MDGA2: variants seen among roughly 807,000 people sequenced by gnomAD.
MDGA2 encodes the protein MAM domain containing glycosylphosphatidylinositol anchor 2.
Under a neutral mutation model 117.8 loss-of-function variants are expected in MDGA2, and 40 were observed. That is an observed-to-expected ratio of 0.34 (90% CI 0.26 to 0.44). MDGA2 has a LOEUF of 0.44. MDGA2 is among the 20% of genes least tolerant of loss of function. MDGA2 has a pLI of 1.00. For synonymous variants in MDGA2, 452 were observed against 439.0 expected (o/e 1.03, Z -0.37); for missense variants, 1,123 against 1,250.6 (o/e 0.90, Z 1.54).
At chr14:47,329,885 A>C (rs1382679997) in intron 1 of MDGA2, among the ~76,000 whole-genome samples, 4 of 152,074 alleles carry the variant, frequency 2.6e-5, no homozygotes, top group African/African-American at 7.2e-5. Context: ...TTAGACGTCA[A>C]CATTAAAATT....
At chr14:47,268,527 G>T (rs1888040359) in intron 2 of MDGA2, among the ~76,000 whole-genome samples, 1 of 152,104 alleles carries the variant, frequency 6.6e-6, no homozygotes, top group African/African-American at 2.4e-5. Context: ...GTCAGGACTA[G>T]AATTCAGACA....
intron 5 of MDGA2, among the ~76,000 whole-genome samples, chr14:47,105,426 A>G (rs1181451771): frequency 6.7e-6 from 1 of 149,796 alleles, no homozygotes; most frequent in Admixed American, 6.7e-5. Flanking sequence ...CTCCTTCACT[A>G]TGGGTAAGCT....
intron 1 of MDGA2, among the ~76,000 whole-genome samples, chr14:47,608,610 G>A (rs1428950186): frequency 6.6e-6 from 1 of 152,118 alleles, no homozygotes; most frequent in Non-Finnish European, 1.5e-5. Flanking sequence ...GAGGCAACAA[G>A]GGCCTGATCA....
At chr14:47,539,699 G>A (rs574804879) in intron 1 of MDGA2, among the ~76,000 whole-genome samples, 5 of 152,284 alleles carry the variant, frequency 3.3e-5, no homozygotes, top group African/African-American at 1.2e-4. Flanking sequence ...GTTATATAAG[G>A]TAAATCATAT....
chr14:47,158,363 G>GGGGTGTGTGT (rs1555358937), intron 3 of MDGA2, among the ~76,000 whole-genome samples: 1 of 146,682 alleles, frequency 6.8e-6, no homozygotes, highest in African/African-American at 2.5e-5. Context: ...CCCTGGGGTG[G>GGGGTGTGTGT]GTGTGTGTGT....
chr14:46,903,744 A>C (rs1158359377), intron 10 of MDGA2, among the ~76,000 whole-genome samples: 1 of 151,814 alleles, frequency 6.6e-6, no homozygotes, highest in African/African-American at 2.4e-5. Context: ...TGCCTGTTTT[A>C]CTCTATGGCA....
chr14:47,658,549 C>CT (rs1897787055), intron 1 of MDGA2, among the ~76,000 whole-genome samples: 1 of 152,080 alleles, frequency 6.6e-6, no homozygotes, highest in Non-Finnish European at 1.5e-5. Flanking sequence ...TGTGAGTTTC[C>CT]TTAAGATAAA....
At chr14:47,233,656 T>G (rs116109434) in intron 2 of MDGA2, among the ~76,000 whole-genome samples, 1 of 152,114 alleles carries the variant, frequency 6.6e-6, no homozygotes, top group South Asian at 2.1e-4. Context: ...GAAAAAGATG[T>G]TACTATAGAA....
chr14:47,505,641 G>T (rs986516390), intron 1 of MDGA2, among the ~76,000 whole-genome samples: 1 of 152,064 alleles, frequency 6.6e-6, no homozygotes, highest in Admixed American at 6.6e-5. Flanking sequence ...TTTGCAAAAT[G>T]TGTCCTAATT....
chr14:47,053,155 A>G (rs1274510101), intron 7 of MDGA2, among the ~76,000 whole-genome samples: 3 of 151,824 alleles, frequency 2.0e-5, no homozygotes, highest in Non-Finnish European at 4.4e-5. Context: ...CAAATTAGAG[A>G]GCTTATTTTC....
At chr14:47,368,870 C>A (rs945306908) in intron 1 of MDGA2, among the ~76,000 whole-genome samples, 1 of 152,028 alleles carries the variant, frequency 6.6e-6, no homozygotes. Flanking sequence ...TAAATTTATA[C>A]CTTAAAAAAT....
intron 3 of MDGA2, among the ~76,000 whole-genome samples, chr14:47,154,152 A>T (rs1228708417): frequency 2.6e-5 from 4 of 152,066 alleles, no homozygotes. Context: ...AAGCAGAGAG[A>T]GTTTGTTTTT....
chr14:46,893,515 T>C (rs1257856595), intron 10 of MDGA2, among the ~76,000 whole-genome samples: 3 of 151,826 alleles, frequency 2.0e-5, no homozygotes, highest in Non-Finnish European at 2.9e-5. Flanking sequence ...GTACCACATA[T>C]ACCCACATAT....
rs372838298 is a variant in MDGA2 at position 47,470,573 on chromosome 14, CAT to C, written c.281-169025_281-169024del. Among the ~76,000 whole-genome samples, 93 of 152,222 alleles carry C rather than the reference CAT, an allele frequency of 6.1e-4. 1 individual carries two copies. The highest frequency in any genetic ancestry group is 3.4e-3 in the Middle Eastern group (1 of 294). ...CTATTGTGAATAGTGCCACAATAAA[CAT>C]ATGTGTGCATGTGTCTTTATCGTAG... On this transcript the variant is annotated intron_variant, in intron 1 of 16. Coordinates refer to ENST00000399232, the MANE Select transcript of MDGA2 (RefSeq NM_001113498.3).
intron 3 of MDGA2, among the ~76,000 whole-genome samples, chr14:47,167,056 A>T (rs1475173403): frequency 6.6e-6 from 1 of 151,980 alleles, no homozygotes; most frequent in Admixed American, 6.6e-5. Context: ...TCAAATGTAG[A>T]CTCTGACCAG....
chr14:47,458,669 A>G (rs1893415532), intron 1 of MDGA2, among the ~76,000 whole-genome samples: 2 of 152,158 alleles, frequency 1.3e-5, no homozygotes, highest in Non-Finnish European at 2.9e-5. Flanking sequence ...GTCAGCACAC[A>G]CTGAGAGGTA....
intron 1 of MDGA2, among the ~76,000 whole-genome samples, chr14:47,619,101 G>A (rs1304035147): frequency 7.2e-6 from 1 of 138,988 alleles, no homozygotes; most frequent in Admixed American, 7.6e-5. Flanking sequence ...TAGCATCTCT[G>A]AGCCTCAGTT....
intron 1 of MDGA2, among the ~76,000 whole-genome samples, chr14:47,350,997 G>T (rs1422809914): frequency 6.6e-6 from 1 of 151,986 alleles, no homozygotes; most frequent in Non-Finnish European, 1.5e-5. Flanking sequence ...CTGCAACCTC[G>T]GCTTCCTGGA....
chr14:47,058,755 T>C (rs931550408), intron 7 of MDGA2: 2 of 985,156 alleles, frequency 2.0e-6, no homozygotes, highest in Admixed American at 1.2e-4. Context: ...GAAGACAGAA[T>C]ATGTAATCAT....
Sources: gnomAD v4.1 joint callset for allele counts (sites outside exome capture counted in the v4.1 genomes callset) on GRCh38, gnomAD v4.1.1 for gene constraint, MANE v1.5 for transcripts, NCBI Gene and HGNC (gene_info 2026-07-23, HGNC 2026-07-21) for gene names.